The following VPS26A variants were observed in gnomAD, a reference collection of about 807,000 sequenced individuals.
The protein encoded by VPS26A is vacuolar protein sorting-associated protein 26A.
Under a neutral mutation model 42.4 loss-of-function variants are expected in VPS26A, and 22 were observed. That is an observed-to-expected ratio of 0.52 (90% confidence interval 0.37 to 0.74). VPS26A has a LOEUF of 0.74. Among genes scored for constraint, VPS26A ranks in the 30% least tolerant of loss-of-function variants. VPS26A has a pLI of 0.00. For missense variants in VPS26A, 276 were observed against 379.2 expected, an observed-to-expected ratio of 0.73 and a Z score of 2.26; for synonymous variants, 110 against 123.5, an observed-to-expected ratio of 0.89 and a Z score of 0.73.
intron 2 of VPS26A, among the ~76,000 whole-genome samples, chr10:69,148,691 A>G (rs1052980990): frequency 1.3e-5 from 2 of 152,124 alleles, no homozygotes; most frequent in African/African-American, 4.8e-5. Context: ...ATTATTCGAG[A>G]CATCTCTAGA....
At chr10:69,168,749 T>A in intron 8 of VPS26A, 118 bp downstream of exon 8, 1 of 1,274,250 alleles carries the variant, frequency 7.8e-7, no homozygotes, top group Non-Finnish European at 1.1e-6. Context: ...ATAAAAACAC[T>A]GTGGGTATGA....
Position 69,172,255 on chromosome 10 carries a change from A to G in VPS26A, c.*986A>G, listed in dbSNP as rs1175637476. 1 of 152,140 alleles carries G rather than the reference A, an allele frequency of 6.6e-6. No individual in the cohort carries two copies. Among genetic ancestry groups the G allele is most frequent in the African/African-American group, 2.4e-5 (1 of 41,434 alleles). 9.4% of individuals were successfully genotyped at this position (152,140 alleles called of 1,614,324 possible). A position where few individuals can be genotyped will look rare whatever the true frequency, so the allele number is the denominator to read the frequency against. The stretch of plus-strand genomic sequence containing the variant: ...GTAATTTCATGTTTATTAAACTCGA[A>G]CTTTGGCTAGTTAAACTCATATTGA... On this transcript the variant is annotated 3_prime_UTR_variant, in exon 9 of 9. Transcript: ENST00000263559.
At chr10:69,157,893 A>C (rs1279597728) in intron 4 of VPS26A, among the ~76,000 whole-genome samples, 154 bp from the exon 5 acceptor site, 1 of 152,230 alleles carries the variant, frequency 6.6e-6, no homozygotes, top group African/African-American at 2.4e-5. Flanking sequence ...CATTAAAGAA[A>C]ATTGGAACTC....
chr10:69,160,074 A>G (rs1205517645), intron 5 of VPS26A, among the ~76,000 whole-genome samples: 1 of 151,848 alleles, frequency 6.6e-6, no homozygotes, highest in Non-Finnish European at 1.5e-5. Context: ...GAAATTATCA[A>G]ATAGTTTAGG....
At chr10:69,131,446 C>G (rs1840775179) in intron 1 of VPS26A, among the ~76,000 whole-genome samples, 1 of 151,800 alleles carries the variant, frequency 6.6e-6, no homozygotes, top group East Asian at 1.9e-4. Flanking sequence ...TAAAAAAGAT[C>G]ATTCTGGGCC....
chr10:69,166,637 G>A (rs908445608), intron 7 of VPS26A, among the ~76,000 whole-genome samples: 1 of 152,180 alleles, frequency 6.6e-6, no homozygotes, highest in Non-Finnish European at 1.5e-5. Flanking sequence ...TAAGTGCCAA[G>A]TGTAGATGAG....
chr10:69,157,171 T>C lies in VPS26A; in HGVS notation c.386+8T>C. 1 of 1,609,416 alleles carries C rather than the reference T, an allele frequency of 6.2e-7. No individual in the cohort carries two copies. Among genetic ancestry groups the C allele is most frequent in the South Asian group, 1.1e-5 (1 of 90,500 alleles). On this transcript the variant is annotated splice_region_variant and intron_variant, in intron 4 of 8. Transcript: ENST00000263559. Reference sequence around the variant, plus strand: ...TGCCAATGTCCGCTTGAGGTATGAATGTGTATTATAAACTGTAAACAGAAT... The same window carrying C: ...TGCCAATGTCCGCTTGAGGTATGAACGTGTATTATAAACTGTAAACAGAAT...
intron 2 of VPS26A, among the ~76,000 whole-genome samples, chr10:69,134,861 G>C (rs767552157): frequency 2.5e-4 from 38 of 152,096 alleles, no homozygotes; most frequent in Non-Finnish European, 4.7e-4. Context: ...AGGAGGCCGA[G>C]GAGGGAGGAT....
At position 69,171,249 on chromosome 10, in the gene VPS26A, G is replaced by A. The variant is rs760694189; in HGVS notation, c.964G>A (p.Ala322Thr). The A allele has an allele frequency of 6.2e-7, 1 of 1,613,570 alleles. No homozygotes were observed. Among genetic ancestry groups the A allele is most frequent in the Non-Finnish European group, 8.5e-7 (1 of 1,179,850 alleles). ...RFESPESQAS[A>T]EQPEM ...TGAATCTCCAGAATCACAGGCATCT[G>A]CCGAACAGCCTGAAATGTGAACTGA... Residue 322 changes from alanine to threonine, a missense_variant, in exon 9 of 9, where the codon GCC becomes ACC. By Grantham distance (58) the Ala-to-Thr change is moderately conservative (BLOSUM62 0). Transcript: ENST00000263559.
At chr10:69,134,279 C>T (rs528318176) in intron 2 of VPS26A, among the ~76,000 whole-genome samples, 67 of 152,210 alleles carry the variant, frequency 4.4e-4, no homozygotes, top group African/African-American at 1.6e-3. Context: ...ATTCAGCATA[C>T]TTTTTCCTCT....
At position 69,168,503 on chromosome 10, in the gene VPS26A, A is replaced by G. The variant is rs1472083039; in HGVS notation, c.742A>G (p.Ile248Val). Reference protein sequence around the residue: ...GAPVKGESIPIRLFLAGYDPT... With the variant: ...GAPVKGESIPVRLFLAGYDPT... ...TTTTCTTTCAGGTGAATCAATTCCA[A>G]TAAGGCTATTTTTAGCAGGATATGA... The change falls in exon 8 of 9, where the codon ATA becomes GTA. Residue 248 changes from isoleucine to valine, a missense_variant. Coordinates refer to ENST00000263559, the MANE Select transcript of VPS26A (RefSeq NM_004896.5). 1.2e-6 allele frequency: 2 copies of G among 1,611,078 alleles called. No homozygotes were observed. The highest frequency in any genetic ancestry group is 1.7e-6 in the Non-Finnish European group (2 of 1,179,290).
intron 2 of VPS26A, among the ~76,000 whole-genome samples, chr10:69,136,472 T>C (rs1264305537): frequency 1.3e-5 from 2 of 151,918 alleles, no homozygotes; most frequent in Non-Finnish European, 1.5e-5. Flanking sequence ...GATTTCACCA[T>C]GTTGGGTCAG....
At chr10:69,155,986 AGAAG>A (rs1242189165) in intron 3 of VPS26A, 99 bp downstream of exon 3, 1 of 852,290 alleles carries the variant, frequency 1.2e-6, no homozygotes, top group Non-Finnish European at 1.8e-6. Flanking sequence ...TTAGCTTTGT[AGAAG>A]GAAGGAATTG....
intron 7 of VPS26A, among the ~76,000 whole-genome samples, chr10:69,166,604 A>G (rs564012306): frequency 3.9e-5 from 6 of 152,322 alleles, no homozygotes; most frequent in African/African-American, 7.2e-5. Flanking sequence ...TTGTGCTTAC[A>G]TCACAAAGCC....
At chr10:69,170,680 C>T (rs181959883) in intron 8 of VPS26A, among the ~76,000 whole-genome samples, 1 of 152,224 alleles carries the variant, frequency 6.6e-6, no homozygotes, top group East Asian at 1.9e-4. Flanking sequence ...TATAGAGGGG[C>T]ATGAATACCT....
At chr10:69,151,268 A>AAAAAAAAAAAAACAAAC (rs1841301445) in intron 2 of VPS26A, among the ~76,000 whole-genome samples, 1 of 68,786 alleles carries the variant, frequency 1.5e-5, no homozygotes, top group Non-Finnish European at 4.0e-5. Context: ...CCATGTCAAA[A>AAAAAAAAAAAAACAAAC]AAAAAAAAAA....
intron 1 of VPS26A, among the ~76,000 whole-genome samples, chr10:69,124,497 T>G (rs1460668628): frequency 6.6e-6 from 1 of 152,130 alleles, no homozygotes; most frequent in East Asian, 1.9e-4. Flanking sequence ...GGCGGCGGCG[T>G]GCTCTCCTGG....
At chr10:69,127,022 G>A (rs59183999) in intron 1 of VPS26A, among the ~76,000 whole-genome samples, 16,214 of 149,714 alleles carry the variant, frequency 0.11, 2,155 homozygotes, top group African/African-American at 0.32. Context: ...GCAGTGGCGC[G>A]ATCTTGGCTC....
chr10:69,171,206 A>G lies in VPS26A; in HGVS notation c.921A>G (p.Thr307=), dbSNP rs1383015421. Residue 307 remains threonine (T), a synonymous_variant, in exon 9 of 9, where the codon ACA becomes ACG. Transcript: ENST00000263559. ...KAPEKLRKQR[T]NFHQRFESPE... The stretch of plus-strand genomic sequence containing the variant: ...CTGAAAAACTGAGGAAACAGAGAAC[A>G]AACTTTCACCAGCGATTTGAATCTC... 1 of 1,613,832 alleles carries G rather than the reference A, an allele frequency of 6.2e-7. No individual in the cohort carries two copies. Among genetic ancestry groups the G allele is most frequent in the African/African-American group, 1.3e-5 (1 of 74,944 alleles).
Sources: allele counts gnomAD v4.1 joint callset (sites outside exome capture counted in the v4.1 genomes callset), GRCh38; gene constraint gnomAD v4.1.1; transcripts MANE v1.5; gene names NCBI Gene and HGNC (gene_info 2026-07-23, HGNC 2026-07-21).